Variants in RPP14 observed in about 807,000 individuals in gnomAD.
RPP14 encodes the protein ribonuclease P protein subunit p14.
Under a neutral mutation model 17.8 loss-of-function variants are expected in RPP14, and 19 were observed. The observed-to-expected ratio is 1.07, with a 90% CI of 0.74 to 1.57. The LOEUF (loss-of-function observed/expected upper bound fraction) is 1.57. Among genes scored for constraint, RPP14 ranks in the 40% most tolerant of loss-of-function variants. RPP14 has a pLI of 0.00. For synonymous variants in RPP14, 60 were observed against 56.4 expected, an observed-to-expected ratio of 1.06 and a Z score of -0.29; for missense variants, 125 against 140.8, an observed-to-expected ratio of 0.89 and a Z score of 0.57.
chr3:58,312,959 T>TC (rs1456337904), intron 3 of RPP14, among the ~76,000 whole-genome samples: 4 of 41,022 alleles, frequency 9.8e-5, no homozygotes, highest in Non-Finnish European at 1.7e-4. Context: ...AGACTCTGTC[T>TC]CAAAAAAAAA....
chr3:58,307,060 T>C (rs1202778399), intron 1 of RPP14, among the ~76,000 whole-genome samples: 1 of 151,958 alleles, frequency 6.6e-6, no homozygotes, highest in East Asian at 1.9e-4. Context: ...GGAAGATCTT[T>C]CCCAGCATGG....
chr3:58,315,188 A>G (rs2097486994), intron 3 of RPP14, among the ~76,000 whole-genome samples: 1 of 152,178 alleles, frequency 6.6e-6, no homozygotes, highest in South Asian at 2.1e-4. Context: ...GTACATTCCT[A>G]CTATGGAATA....
intron 3 of RPP14, among the ~76,000 whole-genome samples, chr3:58,311,813 G>C (rs2097482558): frequency 6.6e-6 from 1 of 151,550 alleles, no homozygotes; most frequent in Non-Finnish European, 1.5e-5. Flanking sequence ...CCTTTCTCTT[G>C]GATTTATGCT....
At position 58,319,279 on chromosome 3, in the gene RPP14, G is replaced by T. The variant is rs2097491914; in HGVS notation, c.*1783G>T. On this transcript the variant is annotated 3_prime_UTR_variant, in exon 6 of 6. Coordinates refer to ENST00000295959, the MANE Select transcript of RPP14 (RefSeq NM_007042.6). ...CTTCAGTGAGACTTGCGTTTCAGGG[G>T]AGGGGCGTATGTGCATCCTCGGTCT... is the stretch of plus-strand genomic sequence containing the variant. 1 of 152,224 alleles carries T rather than the reference G, an allele frequency of 6.6e-6. No individual in the cohort carries two copies. Among genetic ancestry groups the T allele is most frequent in the Non-Finnish European group, 1.5e-5 (1 of 68,044 alleles). 9.4% of individuals were successfully genotyped at this position (152,224 alleles called of 1,614,324 possible).
chr3:58,308,053 C>T (rs952104663), intron 1 of RPP14: 1 of 151,066 alleles, frequency 6.6e-6, no homozygotes, highest in Admixed American at 6.6e-5. Context: ...CCAGCTCCAT[C>T]AAGGCAGTAA....
At chr3:58,315,977 A>G (rs970210194) in intron 3 of RPP14, among the ~76,000 whole-genome samples, 23 of 152,178 alleles carry the variant, frequency 1.5e-4, no homozygotes, top group African/African-American at 5.6e-4. Context: ...TGCCCGGCCA[A>G]TCCCTGTACA....
Position 58,316,975 on chromosome 3 carries a change from T to G in RPP14, c.300T>G (p.Cys100Trp). Residue 100 changes from cysteine (C) to tryptophan (W), a missense_variant, in exon 5 of 6, where the codon TGT (cysteine) becomes TGG (tryptophan). Coordinates refer to ENST00000295959, the MANE Select transcript of RPP14 (RefSeq NM_007042.6). The stretch of plus-strand genomic sequence containing the variant: ...TAGGATCCTATAAAGGCAAAAAATG[T>G]GCTTTCCGGGTGATTCAGGTAAAGA... ...TLLGSYKGKKCAFRVIQVSPF... is the reference protein window; with the variant it reads ...TLLGSYKGKKWAFRVIQVSPF... 6.2e-7 allele frequency: 1 copy of G among 1,613,882 alleles called. No homozygotes were observed. Among genetic ancestry groups the G allele is most frequent in the Non-Finnish European group, 8.5e-7 (1 of 1,179,784 alleles).
chr3:58,309,529 T>C (rs2097479787), intron 1 of RPP14, among the ~76,000 whole-genome samples: 1 of 152,244 alleles, frequency 6.6e-6, no homozygotes, highest in South Asian at 2.1e-4. Flanking sequence ...TAGAAACTTA[T>C]TTTGTATTCG....
At chr3:58,316,400 TA>T in intron 3 of RPP14, 114 bp from the exon 4 acceptor site, 1 of 941,958 alleles carries the variant, frequency 1.1e-6, no homozygotes, top group Non-Finnish European at 1.7e-6. Context: ...CACCATTAAA[TA>T]AAATACTGCT....
chr3:58,312,057 G>A (rs2097482816), intron 3 of RPP14, among the ~76,000 whole-genome samples: 1 of 151,214 alleles, frequency 6.6e-6, no homozygotes, highest in African/African-American at 2.4e-5. Flanking sequence ...TAGAGGCAAG[G>A]TCTCACTATG....
intron 1 of RPP14, chr3:58,306,694 C>G (rs536834554): frequency 6.6e-6 from 1 of 152,276 alleles, no homozygotes; most frequent in African/African-American, 2.4e-5. Context: ...TGAAAGCCAC[C>G]CAAGTGCTCA....
intron 3 of RPP14, chr3:58,315,594 A>G (rs1288083004): frequency 6.6e-6 from 1 of 152,238 alleles, no homozygotes; most frequent in Non-Finnish European, 1.5e-5. Context: ...TAGTTTTGCT[A>G]CTGTACTGTA....
At chr3:58,314,996 T>C (rs776783551) in intron 3 of RPP14, among the ~76,000 whole-genome samples, 2 of 152,110 alleles carry the variant, frequency 1.3e-5, no homozygotes, top group South Asian at 2.1e-4. Context: ...GCAGTATCTT[T>C]AACAAACTAA....
chr3:58,312,507 G>T (rs1173135645), intron 3 of RPP14, among the ~76,000 whole-genome samples: 1 of 152,010 alleles, frequency 6.6e-6, no homozygotes, highest in Non-Finnish European at 1.5e-5. Context: ...GAATTTTGTT[G>T]GGTTTATTCT....
chr3:58,308,836 G>T (rs901875601), intron 1 of RPP14, among the ~76,000 whole-genome samples: 2 of 151,268 alleles, frequency 1.3e-5, no homozygotes, highest in African/African-American at 4.8e-5. Context: ...TTAGAGAAGG[G>T]TGTCAGAGAA....
At chr3:58,308,291 T>C (rs1432541023) in intron 1 of RPP14, among the ~76,000 whole-genome samples, 1 of 152,100 alleles carries the variant, frequency 6.6e-6, no homozygotes, top group Non-Finnish European at 1.5e-5. Context: ...ATTTTTTGTT[T>C]GTTTGTTTTG....
rs2097489486 is a variant in RPP14, at chr3:58,317,460, A to G, written c.339A>G (p.Ala113=). The change falls in exon 6 of 6, where the codon GCA becomes GCG. Residue 113 remains alanine, a synonymous_variant. Transcript: ENST00000295959. ...RVIQVSPFLL[A]LSGNSRELVL... ...TCTAGGTTTCTCCATTTCTTCTTGC[A>G]TTATCTGGTAATAGTAGGGAACTAG... The G allele has an allele frequency of 4.4e-6, 7 of 1,601,730 alleles. No individual in the cohort carries two copies. Among genetic ancestry groups the G allele is most frequent in the Middle Eastern group, 1.7e-4 (1 of 6,056 alleles).
rs1269262721 is a variant in RPP14, at chr3:58,319,782, CTTTTGTTTCCCATTTTT to C, written c.*2298_*2314del. 6.6e-6 allele frequency: 1 copy of C among 152,026 alleles called. No homozygotes were observed. The highest frequency in any genetic ancestry group is 1.5e-5 in the Non-Finnish European group (1 of 68,008). 9.4% of individuals were successfully genotyped at this position (152,026 alleles called of 1,614,324 possible). ...AATGGCCATCCCAACACAGCCAACA[CTTTTGTTTCCCATTTTT>C]TTTTGTTTCCCGTTTTTTAATAAAA... On this transcript the variant is annotated 3_prime_UTR_variant, in exon 6 of 6. Transcript: ENST00000295959.
At chr3:58,315,191 A>G (rs1010699245) in intron 3 of RPP14, among the ~76,000 whole-genome samples, 4 of 152,152 alleles carry the variant, frequency 2.6e-5, no homozygotes, top group African/African-American at 9.7e-5. Flanking sequence ...CATTCCTACT[A>G]TGGAATATAC....
Sources: gnomAD v4.1 joint callset for allele counts (sites outside exome capture counted in the v4.1 genomes callset) on GRCh38, gnomAD v4.1.1 for gene constraint, MANE v1.5 for transcripts, NCBI Gene and HGNC (gene_info 2026-07-23, HGNC 2026-07-21) for gene names.